IQGAP3: variants seen among roughly 807,000 people sequenced by gnomAD.
The protein encoded by IQGAP3 is IQ motif containing GTPase activating protein 3.
A neutral mutation model predicts 208.2 loss-of-function variants in IQGAP3; 165 were observed. That is an observed-to-expected ratio of 0.79 (90% confidence interval 0.70 to 0.90). IQGAP3 has a LOEUF of 0.90. Among genes scored for constraint, IQGAP3 ranks in the 40% least tolerant of loss-of-function variants. The probability of loss-of-function intolerance (pLI) is 0.00; values close to 1 mark genes in which losing one functional copy is unlikely to be tolerated. For missense variants in IQGAP3, 1,811 were observed against 2,043.1 expected (o/e 0.89, Z 2.19); for synonymous variants, 703 against 803.6 (o/e 0.87, Z 2.12).
chr1:156,560,446 G>T (rs1448628463), intron 11 of IQGAP3, among the ~76,000 whole-genome samples: 1 of 152,214 alleles, frequency 6.6e-6, no homozygotes, highest in East Asian at 1.9e-4. Flanking sequence ...AGGAGGTGGA[G>T]GTTGCAGTGA....
chr1:156,568,012 C>G (rs558523175), intron 2 of IQGAP3, among the ~76,000 whole-genome samples: 63 of 152,274 alleles, frequency 4.1e-4, no homozygotes, highest in African/African-American at 1.5e-3. Context: ...CCTAAACTCC[C>G]AGATTGAACT....
intron 1 of IQGAP3, among the ~76,000 whole-genome samples, 183 bp from the exon 2 acceptor site, chr1:156,569,646 G>A (rs1676557257): frequency 6.8e-6 from 1 of 147,256 alleles, no homozygotes; most frequent in African/African-American, 2.5e-5. Flanking sequence ...AGCCTCCCGA[G>A]TAGCTGGGAC....
chr1:156,543,641 T>A (rs1557928660), intron 22 of IQGAP3, among the ~76,000 whole-genome samples: 1 of 152,196 alleles, frequency 6.6e-6, no homozygotes, highest in South Asian at 2.1e-4. Context: ...TCACCAGGCC[T>A]TGTTTGTGCT....
intron 22 of IQGAP3, among the ~76,000 whole-genome samples, chr1:156,543,427 A>G (rs1014263296): frequency 6.6e-6 from 1 of 152,244 alleles, no homozygotes; most frequent in Admixed American, 6.5e-5. Flanking sequence ...AGGTGAATGT[A>G]GAAATGGACT....
intron 19 of IQGAP3, among the ~76,000 whole-genome samples, chr1:156,546,308 G>A (rs890307586): frequency 6.6e-6 from 1 of 152,104 alleles, no homozygotes; most frequent in Non-Finnish European, 1.5e-5. Context: ...CTTTCCCCGG[G>A]CAAGAGGCTC....
At position 156,528,522 on chromosome 1, in the gene IQGAP3, G is replaced by A. The variant is rs775975965; in HGVS notation, c.4660C>T (p.Leu1554Phe). 13 of 1,613,232 alleles carry A rather than the reference G, an allele frequency of 8.1e-6. No individual in the cohort carries two copies. The highest frequency in any genetic ancestry group is 3.3e-5 in the Admixed American group (2 of 59,972). ...AAAGACACATACTGAGAGGCGGGAA[G>A]ATCTTCAATTTCCACCAAGACACCC... ...EKGVLVEIED[L>F]PASHFRNVIF... Residue 1554 changes from leucine (L) to phenylalanine (F), a missense_variant, in exon 36 of 38, where the codon CTT becomes TTT. Leu to Phe is a conservative substitution (Grantham distance 22, BLOSUM62 0). Coordinates refer to ENST00000361170, the MANE Select transcript of IQGAP3 (RefSeq NM_178229.5).
chr1:156,531,932 T>G (rs1275280782), intron 32 of IQGAP3, among the ~76,000 whole-genome samples: 1 of 151,882 alleles, frequency 6.6e-6, no homozygotes, highest in Non-Finnish European at 1.5e-5. Flanking sequence ...AGTGAATGAG[T>G]GGGTGCAAGG....
chr1:156,565,370 C>T (rs370511950), intron 4 of IQGAP3, among the ~76,000 whole-genome samples: 2 of 152,322 alleles, frequency 1.3e-5, no homozygotes, highest in East Asian at 1.9e-4. Context: ...GACACATGAC[C>T]TCTATTGCTT....
chr1:156,550,144 C>A, intron 16 of IQGAP3, 117 bp downstream of exon 16: 1 of 698,600 alleles, frequency 1.4e-6, no homozygotes, highest in Non-Finnish European at 2.5e-6. Flanking sequence ...GGCCTGCCTC[C>A]CCACAGAGGT....
intron 19 of IQGAP3, among the ~76,000 whole-genome samples, chr1:156,547,374 GACACAGACACACAGACACACAC>G (rs1448816137): frequency 3.1e-4 from 34 of 110,580 alleles, no homozygotes; most frequent in African/African-American, 1.1e-3. Flanking sequence ...CAGACACACA[GACACAGACACACAGACACACAC>G]ACACACACAC....
At position 156,534,628 on chromosome 1, in the gene IQGAP3, G is replaced by C; in HGVS notation, c.3613C>G (p.Gln1205Glu). 1 of 1,611,904 alleles carries C rather than the reference G, an allele frequency of 6.2e-7. No homozygotes were observed. The highest frequency in any genetic ancestry group is 8.5e-7 in the Non-Finnish European group (1 of 1,179,596). Reference protein sequence around the residue: ...MAAGGALAAPQRHALGAVAQL... With the variant: ...MAAGGALAAPERHALGAVAQL... ...GCCACAGCCCCCAGGGCATGGCGCT[G>C]GGGGGCAGCCAGGGCTCCACCAGCT... The change falls in exon 29 of 38, where the codon CAG (glutamine) becomes GAG (glutamate). Residue 1205 changes from glutamine (Q) to glutamate (E), a missense_variant. Transcript: ENST00000361170.
Position 156,534,019 on chromosome 1 carries a change from T to C in IQGAP3, c.3863A>G (p.Asn1288Ser). 1 of 1,613,784 alleles carries C rather than the reference T, an allele frequency of 6.2e-7. No individual in the cohort carries two copies. Residue 1288 changes from asparagine (N) to serine (S), a missense_variant, in exon 30 of 38, where the codon AAC becomes AGC. By Grantham distance (46) the Asn-to-Ser change is conservative. Coordinates refer to ENST00000361170, the MANE Select transcript of IQGAP3 (RefSeq NM_178229.5). ...MVYITVGELV[N>S]THRLLLEHQD... ...ATCTCAGCCCCTCACCCTGTGCGTG[T>C]TGACCAGCTCCCCCACGGTGATGTA...
chr1:156,527,716 G>A (rs943581881), intron 37 of IQGAP3, among the ~76,000 whole-genome samples: 2 of 152,198 alleles, frequency 1.3e-5, no homozygotes, highest in African/African-American at 4.8e-5. Context: ...TCTGACACCA[G>A]TAGCCCACTC....
chr1:156,547,988 AT>A, intron 19 of IQGAP3, 84 bp downstream of exon 19: 1 of 1,242,820 alleles, frequency 8.0e-7, no homozygotes, highest in Admixed American at 2.5e-5. Flanking sequence ...GGTCATTCCC[AT>A]GTCAGTAAAA....
In IQGAP3 at chr1:156,548,359, C is replaced by T; in HGVS notation, c.2122G>A (p.Glu708Lys). ...CPLNTSHLTR[E>K]EIQSAVTKVT... ...GGGGCTCTGCCAACCTGGATCTCCT[C>T]CCGGGTCAGGTGAGAGGTGTTGAGG... Residue 708 changes from glutamate to lysine, a missense_variant, in exon 18 of 38, where the codon GAG becomes AAG. Coordinates refer to ENST00000361170, the MANE Select transcript of IQGAP3 (RefSeq NM_178229.5). 3 of 1,613,692 alleles carry T rather than the reference C, an allele frequency of 1.9e-6. No individual in the cohort carries two copies. Among genetic ancestry groups the T allele is most frequent in the Non-Finnish European group, 2.5e-6 (3 of 1,179,826 alleles).
intron 2 of IQGAP3, among the ~76,000 whole-genome samples, chr1:156,568,762 G>T (rs556383613): frequency 6.6e-6 from 1 of 152,198 alleles, no homozygotes; most frequent in Non-Finnish European, 1.5e-5. Flanking sequence ...ATCTAATTAA[G>T]CCAACATTCA....
Position 156,539,901 on chromosome 1 carries a change from C to A in IQGAP3, c.2829G>T (p.Lys943Asn), listed in dbSNP as rs770749361. The A allele has an allele frequency of 3.1e-6, 5 of 1,614,156 alleles. No individual in the cohort carries two copies. The highest frequency in any genetic ancestry group is 4.2e-6 in the Non-Finnish European group (5 of 1,180,038). Reference protein sequence around the residue: ...MMVLDKQKGLKSLSKEKRQKL... With the variant: ...MMVLDKQKGLNSLSKEKRQKL... ...TCTGCCGTTTCTCTTTGCTCAGCGA[C>A]TTTAAACCCTTCTGCTTGTCCAGAA... Residue 943 changes from lysine to asparagine, a missense_variant, in exon 24 of 38, where the codon AAG becomes AAT. Transcript: ENST00000361170.
intron 2 of IQGAP3, among the ~76,000 whole-genome samples, chr1:156,568,608 G>A (rs2102449339): frequency 6.6e-6 from 1 of 152,190 alleles, no homozygotes; most frequent in Middle Eastern, 3.4e-3. Context: ...TGGCCTCCTC[G>A]ACCTCCCAGG....
At chr1:156,547,452 G>T (rs939368129) in intron 19 of IQGAP3, among the ~76,000 whole-genome samples, 2 of 150,640 alleles carry the variant, frequency 1.3e-5, no homozygotes, top group African/African-American at 2.5e-5. Flanking sequence ...TAGAGACAGG[G>T]TCTCGCTCTG....
Sources: gnomAD v4.1 joint callset for allele counts (sites outside exome capture counted in the v4.1 genomes callset) on GRCh38, gnomAD v4.1.1 for gene constraint, MANE v1.5 for transcripts, NCBI Gene and HGNC (gene_info 2026-07-23, HGNC 2026-07-21) for gene names.